PTCH1: variants seen among roughly 807,000 people sequenced by gnomAD.
PTCH1 encodes the protein patched 1.
PTCH1 carries 14 observed loss-of-function variants against 144.6 expected under a neutral mutation model. The observed-to-expected ratio is 0.10, with a 90% CI of 0.06 to 0.15. PTCH1 has a LOEUF of 0.15. Among genes scored for constraint, PTCH1 ranks in the 10% least tolerant of loss-of-function variants. The pLI, the probability that PTCH1 is intolerant of heterozygous loss-of-function variation, is 1.00. For synonymous variants in PTCH1, 833 were observed against 793.6 expected (o/e 1.05, Z -0.83); for missense variants, 1,623 against 1,948.3 (o/e 0.83, Z 3.14).
intron 2 of PTCH1, among the ~76,000 whole-genome samples, chr9:95,491,109 C>G (rs1029807581): frequency 2.0e-5 from 3 of 152,170 alleles, no homozygotes; most frequent in African/African-American, 7.2e-5. Flanking sequence ...GAACAAGACT[C>G]AAGAAAAATC....
Position 95,458,032 on chromosome 9 carries a change from G to A in PTCH1, c.3149C>T (p.Pro1050Leu), listed in dbSNP as rs1420175816. The A allele has an allele frequency of 1.5e-5, 24 of 1,614,018 alleles. No homozygotes were observed. Among genetic ancestry groups the A allele is most frequent in the Non-Finnish European group, 2.0e-5 (24 of 1,180,040 alleles). ...ACTCACAATGATCCCGGCCGTCCAG[G>A]GGTTCAGAAGGAAGACAGCGCACAC... ...FLVCAVFLLN[P>L]WTAGIIVMVL... is the part of the protein sequence containing the mutation. Residue 1050 changes from proline to leucine, a missense_variant, in exon 18 of 24, where the codon CCC becomes CTC. Pro to Leu is a moderately conservative substitution (Grantham distance 98). This residue lies in a region of PTCH1 where 504 missense variants were observed against 679.3 expected (regional missense o/e 0.74). Coordinates refer to ENST00000331920, the MANE Select transcript of PTCH1 (RefSeq NM_000264.5). This position sits in a 1 kb window ranked among gnomAD's most constrained non-coding sequence, Gnocchi z 4.7.
chr9:95,457,576 A>T (rs1339011904), intron 18 of PTCH1, among the ~76,000 whole-genome samples: 1 of 152,198 alleles, frequency 6.6e-6, no homozygotes, highest in Non-Finnish European at 1.5e-5. Flanking sequence ...TAAAACACAC[A>T]AAATCATTTT....
chr9:95,465,362 G>A (rs1839905916), intron 15 of PTCH1, among the ~76,000 whole-genome samples: 1 of 152,140 alleles, frequency 6.6e-6, no homozygotes, highest in Admixed American at 6.5e-5. Context: ...TATGTCTTTG[G>A]TCAATGGGGG....
In PTCH1 at chr9:95,449,354, T is replaced by C; in HGVS notation, c.3550-31A>G. 1 of 1,539,580 alleles carries C rather than the reference T, an allele frequency of 6.5e-7. No individual in the cohort carries two copies. The highest frequency in any genetic ancestry group is 8.7e-7 in the Non-Finnish European group (1 of 1,147,140). ...TAAGGGGATTCCATGTTAAAAGTGT[T>C]CTTGTCCATTTACCTGCTGGCCACA... On this transcript the variant is annotated intron_variant, in intron 21 of 23. Transcript: ENST00000331920. The surrounding 1 kb of genome is among the most constrained non-coding windows in gnomAD (Gnocchi z 5.3).
intron 20 of PTCH1, chr9:95,451,208 TAATGTA>T (rs1838431950): frequency 6.6e-6 from 1 of 152,232 alleles, no homozygotes; most frequent in African/African-American, 2.4e-5. Context: ...TGTCTTGGTC[TAATGTA>T]AACTGCTGGA....
intron 23 of PTCH1, 150 bp from the exon 24 acceptor site, chr9:95,446,541 A>T: frequency 2.3e-6 from 1 of 441,710 alleles, no homozygotes; most frequent in Non-Finnish European, 4.4e-6. Flanking sequence ...GCTGCTTGTG[A>T]CCTCTCCCTT....
Position 95,478,294 on chromosome 9 carries a change from C to T in PTCH1, c.1216-108G>A, listed in dbSNP as rs563001729. ...GCGCAGCCCTTCTTTTTTTCTGATG[C>T]ATTTTTTAAAAAAGTTCTACGTGAT... On this transcript the variant is annotated intron_variant, in intron 8 of 23. Transcript: ENST00000331920. 103 of 1,532,226 alleles carry T rather than the reference C, an allele frequency of 6.7e-5. No homozygotes were observed. The Admixed American group carries it at 1.0e-3, about 15-fold the overall frequency. The allele number at this position is 1,532,226 out of a possible 1,614,324, so 94.9% of individuals were successfully genotyped here.
Position 95,485,612 on chromosome 9 carries a change from G to A in PTCH1, c.584+73C>T, listed in dbSNP as rs1043424674. 18 of 1,566,310 alleles carry A rather than the reference G, an allele frequency of 1.1e-5. No homozygotes were observed. In the South Asian group the frequency reaches 1.2e-4, roughly 11 times the overall value. ...GGGCAACTTCATTTACTAAAATAAC[G>A]GGGCCTAAACCAGCAGCCTTCTCCC... is the stretch of plus-strand genomic sequence containing the variant. On this transcript the variant is annotated intron_variant, in intron 3 of 23. Transcript: ENST00000331920.
In PTCH1 at chr9:95,500,132, C is replaced by G. The variant is rs183683126; in HGVS notation, c.394+6275G>C. On this transcript the variant is annotated intron_variant, in intron 2 of 23. Coordinates refer to ENST00000331920, the MANE Select transcript of PTCH1 (RefSeq NM_000264.5). ...TCAGCTGTGGTGCATAATCTAAACACACGGATCAGGCTGTTCATACATCTG... is the reference window on the plus strand; with the variant it reads ...TCAGCTGTGGTGCATAATCTAAACAGACGGATCAGGCTGTTCATACATCTG... 9.0e-4 allele frequency among the ~76,000 whole-genome samples: 137 copies of G among 152,312 alleles called. 1 individual carries two copies. The highest frequency in any genetic ancestry group is 1.4e-3 in the Non-Finnish European group (97 of 68,030).
intron 8 of PTCH1, among the ~76,000 whole-genome samples, 172 bp downstream of exon 8, chr9:95,478,828 T>C (rs1383318867): frequency 6.6e-6 from 1 of 152,234 alleles, no homozygotes; most frequent in South Asian, 2.1e-4. Flanking sequence ...TTTTAGATAT[T>C]ATCCCAGGAT....
Position 95,478,183 on chromosome 9 carries a change from C to A in PTCH1, c.1219G>T (p.Val407Phe). 1.2e-6 allele frequency: 2 copies of A among 1,614,180 alleles called. No individual in the cohort carries two copies. Among genetic ancestry groups the A allele is most frequent in the Admixed American group, 1.7e-5 (1 of 60,014 alleles). The part of the protein sequence containing the change: ...EAWQRTYVEV[V>F]HQSVAQNSTQ... Reference sequence around the variant, plus strand: ...GAGTTCTGTGCGACACTCTGATGAACCACCTGTGGTCACAACAGAATGCGA... The same window carrying A: ...GAGTTCTGTGCGACACTCTGATGAAACACCTGTGGTCACAACAGAATGCGA... Residue 407 changes from valine to phenylalanine, a missense_variant, in exon 9 of 24, where the codon GTT becomes TTT. By Grantham distance (50) the Val-to-Phe change is conservative (BLOSUM62 -1). This residue lies in a region of PTCH1 where 230 missense variants were observed against 271.0 expected (regional missense o/e 0.85). Coordinates refer to ENST00000331920, the MANE Select transcript of PTCH1 (RefSeq NM_000264.5).
chr9:95,481,768 G>C, intron 5 of PTCH1, 181 bp downstream of exon 5: 1 of 644,416 alleles, frequency 1.6e-6, no homozygotes, highest in Non-Finnish European at 2.7e-6. Flanking sequence ...TTTTTGAAAA[G>C]AGAAAAAACA....
At chr9:95,464,278 C>T (rs1251098546) in intron 15 of PTCH1, among the ~76,000 whole-genome samples, 2 of 152,136 alleles carry the variant, frequency 1.3e-5, no homozygotes, top group African/African-American at 4.8e-5. Context: ...AAGGTACGAC[C>T]CTGGATACAA....
At chr9:95,465,889 T>C (rs1350710141) in intron 15 of PTCH1, among the ~76,000 whole-genome samples, 6 of 152,248 alleles carry the variant, frequency 3.9e-5, no homozygotes, top group African/African-American at 1.2e-4. Flanking sequence ...TGGCTTTGCA[T>C]GTGTCAATGC....
rs201544613 is a variant in PTCH1, at chr9:95,469,039, C to A, written c.1962G>T (p.Thr654=). Residue 654 remains threonine (T), a synonymous_variant, in exon 14 of 24, where the codon ACG becomes ACT. Coordinates refer to ENST00000331920, the MANE Select transcript of PTCH1 (RefSeq NM_000264.5). ...PYSSHSFAHE[T]QITMQSTVQL... is the part of the protein sequence containing the mutation. ...GGACAGTGGACTGCATGGTAATCTG[C>A]GTTTCATGGGCAAAGCTGTGGCTGC... is the stretch of plus-strand genomic sequence containing the variant. 472 of 1,613,852 alleles carry A rather than the reference C, an allele frequency of 2.9e-4. 2 individuals are homozygous for A. In the South Asian group the frequency reaches 4.8e-3, roughly 16 times the overall value.
At chr9:95,469,779 C>G in intron 13 of PTCH1, 34 bp downstream of exon 13, 1 of 1,557,800 alleles carries the variant, frequency 6.4e-7, no homozygotes, top group African/African-American at 1.4e-5. Flanking sequence ...CATTCTGCAC[C>G]CAATCAAAAG....
chr9:95,479,274 T>C, intron 7 of PTCH1, 127 bp from the exon 8 acceptor site: 1 of 1,231,012 alleles, frequency 8.1e-7, no homozygotes, highest in Non-Finnish European at 1.2e-6. Flanking sequence ...TGAGCACATG[T>C]TTCCATTAAA....
At chr9:95,475,314 G>T (rs954707690) in intron 12 of PTCH1, among the ~76,000 whole-genome samples, 14 of 152,182 alleles carry the variant, frequency 9.2e-5, no homozygotes, top group Non-Finnish European at 1.0e-4. Flanking sequence ...GGTCTGGAAG[G>T]AGAGGACAAG....
At chr9:95,510,002 T>TAA (rs71498965), upstream of PTCH1, among the ~76,000 whole-genome samples, 95 of 138,664 alleles carry the variant, frequency 6.9e-4, no homozygotes, top group Non-Finnish European at 6.4e-4. Context: ...CCCCCCAACT[T>TAA]AAAAAAAAAA....
Sources: allele counts gnomAD v4.1 joint callset (sites outside exome capture counted in the v4.1 genomes callset), GRCh38; gene constraint gnomAD v4.1.1; regional missense constraint gnomAD v4.1.1; non-coding constraint Gnocchi (gnomAD v3.1); transcripts MANE v1.5; gene names NCBI Gene and HGNC (gene_info 2026-07-23, HGNC 2026-07-21).